The following TULP4 variants were observed in gnomAD, a reference collection of about 807,000 sequenced individuals.
TULP4 encodes the protein TUB like protein 4.
Under a neutral mutation model 129.0 loss-of-function variants are expected in TULP4, and 16 were observed. The ratio of observed to expected loss-of-function variants is 0.12; its 90% CI spans 0.08 to 0.19. The LOEUF (loss-of-function observed/expected upper bound fraction) is 0.19, where lower values mean the gene tolerates loss of function less well. TULP4 is among the 10% of genes least tolerant of loss of function. The pLI is 1.00. For missense variants in TULP4, 1,842 were observed against 2,059.1 expected (o/e 0.89, Z 2.04); for synonymous variants, 998 against 854.0 (o/e 1.17, Z -2.94).
intron 5 of TULP4, among the ~76,000 whole-genome samples, chr6:158,455,488 G>A (rs1779271102): frequency 6.6e-6 from 1 of 152,024 alleles, no homozygotes; most frequent in South Asian, 2.1e-4. Context: ...TGTAATCCCA[G>A]CACTTTGGGA....
chr6:158,423,993 CTG>C (rs1281613860), intron 2 of TULP4, among the ~76,000 whole-genome samples: 2 of 152,030 alleles, frequency 1.3e-5, no homozygotes, highest in East Asian at 1.9e-4. Context: ...AAGCCAAAGA[CTG>C]GAGAAAATAT....
chr6:158,243,150 C>T (rs1016588796), intron 1 of TULP4, among the ~76,000 whole-genome samples: 1 of 152,108 alleles, frequency 6.6e-6, no homozygotes, highest in Non-Finnish European at 1.5e-5. Context: ...CTGTATCTTG[C>T]CCAGCTTTGG....
At chr6:158,354,231 T>C (rs1197359744) in intron 1 of TULP4, among the ~76,000 whole-genome samples, 1 of 152,124 alleles carries the variant, frequency 6.6e-6, no homozygotes, top group East Asian at 1.9e-4. Flanking sequence ...ATAATTTTGG[T>C]TGACGGAAAA....
chr6:158,256,294 T>C (rs1778242524), intron 1 of TULP4, among the ~76,000 whole-genome samples: 1 of 152,208 alleles, frequency 6.6e-6, no homozygotes, highest in African/African-American at 2.4e-5. Flanking sequence ...CATGTGTGTA[T>C]GTGTTTCTGT....
chr6:158,435,107 A>C (rs182900209), intron 3 of TULP4, among the ~76,000 whole-genome samples: 1 of 152,214 alleles, frequency 6.6e-6, no homozygotes, highest in South Asian at 2.1e-4. Flanking sequence ...AGTGAGGCAC[A>C]TACATAATAT....
intron 1 of TULP4, among the ~76,000 whole-genome samples, chr6:158,403,591 C>T (rs569691074): frequency 3.3e-5 from 5 of 152,246 alleles, no homozygotes; most frequent in South Asian, 2.1e-4. Context: ...CCGCCCGCCT[C>T]GGCCTCCCAA....
At chr6:158,322,810 G>A (rs2128487782) in intron 1 of TULP4, among the ~76,000 whole-genome samples, 1 of 152,310 alleles carries the variant, frequency 6.6e-6, no homozygotes, top group South Asian at 2.1e-4. Flanking sequence ...AGTCTAGCAT[G>A]AGGGTGAAAC....
chr6:158,299,009 C>A (rs1189469007), intron 1 of TULP4, among the ~76,000 whole-genome samples: 2 of 152,064 alleles, frequency 1.3e-5, no homozygotes, highest in Non-Finnish European at 2.9e-5. Flanking sequence ...ATGCAAGGGG[C>A]GGTAGTGGGG....
upstream of TULP4, among the ~76,000 whole-genome samples, chr6:158,310,660 G>T (rs534597748): frequency 1.1e-4 from 16 of 152,174 alleles, no homozygotes; most frequent in South Asian, 3.1e-3. Flanking sequence ...CCTCCCACCA[G>T]GCCCCACCTC....
In TULP4 at chr6:158,503,542, CCCA is replaced by C. The variant is rs780201279; in HGVS notation, c.3885_3887del (p.Pro1296del). 6.8e-6 allele frequency: 11 copies of C among 1,613,858 alleles called. No individual in the cohort carries two copies. Among genetic ancestry groups the C allele is most frequent in the Admixed American group, 5.0e-5 (3 of 59,990 alleles). On this transcript the variant is annotated inframe_deletion, in exon 13 of 14. Transcript: ENST00000367097. This position sits in a 1 kb window ranked among gnomAD's most constrained non-coding sequence, Gnocchi z 4.3. ...TGGTGGTGGAGAAGCCCCTTGTGTC[CCCA>C]CCACCTGCCGACCTCCAAAGCCACT... is the stretch of plus-strand genomic sequence containing the variant.
chr6:158,332,667 G>C (rs1436631206), intron 1 of TULP4, among the ~76,000 whole-genome samples: 1 of 152,186 alleles, frequency 6.6e-6, no homozygotes, highest in Non-Finnish European at 1.5e-5. Context: ...CTAGGCCAAA[G>C]CTGTAAGGTC....
chr6:158,378,211 T>G (rs989336349), intron 1 of TULP4, among the ~76,000 whole-genome samples: 5 of 152,166 alleles, frequency 3.3e-5, no homozygotes, highest in African/African-American at 1.2e-4. Context: ...AGTCACAGGA[T>G]GAGCCCAGAT....
intron 6 of TULP4, among the ~76,000 whole-genome samples, chr6:158,469,258 AC>A (rs1384712889): frequency 6.6e-6 from 1 of 151,834 alleles, no homozygotes; most frequent in Non-Finnish European, 1.5e-5. Context: ...GGAGGTCAGT[AC>A]TAGTGAAAAC....
At chr6:158,419,180 T>C (rs1778280714) in intron 2 of TULP4, among the ~76,000 whole-genome samples, 1 of 152,178 alleles carries the variant, frequency 6.6e-6, no homozygotes, top group East Asian at 1.9e-4. Flanking sequence ...AAGAGCTATC[T>C]CACAAACCAT....
At chr6:158,329,105 G>A (rs1438625140) in intron 1 of TULP4, among the ~76,000 whole-genome samples, 1 of 152,196 alleles carries the variant, frequency 6.6e-6, no homozygotes, top group African/African-American at 2.4e-5. Flanking sequence ...AAACACACCT[G>A]TGCATTTTGC....
At position 158,241,794 on chromosome 6, in the gene TULP4, C is replaced by T. The variant is rs748255173; in HGVS notation, n.68+9491C>T. On this transcript the variant is annotated intron_variant and non_coding_transcript_variant, in intron 1 of 1. Transcript: ENST00000620026. ...ATTTTTAGTAGAGACGGGGTTTTAC[C>T]GTATTGGCCAGGCTGGTCTCGAACT... is the stretch of plus-strand genomic sequence containing the variant. 6.5e-5 allele frequency: 32 copies of T among 490,294 alleles called. 2 individuals are homozygous for T. The highest frequency in any genetic ancestry group is 4.9e-4 in the South Asian group (25 of 51,360). 30.4% of individuals were successfully genotyped at this position (490,294 alleles called of 1,614,324 possible). A position where few individuals can be genotyped will look rare whatever the true frequency, so the allele number is the denominator to read the frequency against.
intron 1 of TULP4, among the ~76,000 whole-genome samples, chr6:158,239,195 C>A (rs1206527526): frequency 1.1e-5 from 1 of 92,904 alleles, no homozygotes; most frequent in East Asian, 3.7e-4. Flanking sequence ...TGACCCCCCC[C>A]ACCTCCCTCC....
chr6:158,413,273 T>C lies in TULP4; in HGVS notation c.381+80T>C. On this transcript the variant is annotated intron_variant, in intron 2 of 13. Transcript: ENST00000367097. The surrounding 1 kb of genome is among the most constrained non-coding windows in gnomAD (Gnocchi z 4.9). The stretch of plus-strand genomic sequence containing the variant: ...GACAGGCATTCCGGAGCCAGTGCGT[T>C]AGCACCACACAGCGCCACGTGCTCC... The C allele has an allele frequency of 6.7e-7, 1 of 1,497,152 alleles. No homozygotes were observed. The highest frequency in any genetic ancestry group is 9.0e-7 in the Non-Finnish European group (1 of 1,110,676). The allele number at this position is 1,497,152 out of a possible 1,614,324, so 92.7% of individuals were successfully genotyped here.
chr6:158,387,096 T>A (rs910375969), intron 1 of TULP4, among the ~76,000 whole-genome samples: 8 of 152,128 alleles, frequency 5.3e-5, no homozygotes, highest in African/African-American at 1.7e-4. Context: ...GGGCCCACAG[T>A]GCTGCTCCCC....
Sources: gnomAD v4.1 joint callset for allele counts (sites outside exome capture counted in the v4.1 genomes callset) on GRCh38, gnomAD v4.1.1 for gene constraint, Gnocchi (gnomAD v3.1) non-coding constraint, MANE v1.5 for transcripts, NCBI Gene and HGNC (gene_info 2026-07-23, HGNC 2026-07-21) for gene names.